The following STXBP5 variants were observed in gnomAD, a reference collection of about 807,000 sequenced individuals.
STXBP5 encodes syntaxin-binding protein 5.
In STXBP5, 50 loss-of-function variants were observed where a neutral mutation model predicts 152.4. The observed-to-expected ratio is 0.33, with a 90% confidence interval of 0.26 to 0.42. STXBP5 has a LOEUF of 0.42. Ranked by LOEUF, STXBP5 falls within the 10% of genes least tolerant of loss-of-function variation. STXBP5 has a pLI of 1.00. For synonymous variants in STXBP5, 492 were observed against 494.7 expected (o/e 0.99, Z 0.07); for missense variants, 1,167 against 1,388.6 (o/e 0.84, Z 2.54).
At chr6:147,244,217 G>T (rs1778689129) in intron 4 of STXBP5, among the ~76,000 whole-genome samples, 1 of 152,140 alleles carries the variant, frequency 6.6e-6, no homozygotes, top group African/African-American at 2.4e-5. Flanking sequence ...TAAGGGACTT[G>T]AGCATTATTG....
chr6:147,260,917 A>T (rs1420399661), intron 5 of STXBP5, among the ~76,000 whole-genome samples, 168 bp downstream of exon 5: 3 of 152,250 alleles, frequency 2.0e-5, no homozygotes, highest in Admixed American at 6.5e-5. Context: ...TGACATGGCA[A>T]TTTGTAAATT....
At chr6:147,235,785 T>G (rs1316320869) in intron 3 of STXBP5, among the ~76,000 whole-genome samples, 1 of 152,176 alleles carries the variant, frequency 6.6e-6, no homozygotes, top group Admixed American at 6.5e-5. Flanking sequence ...GTCACTTAAT[T>G]GCTTTAAGTA....
chr6:147,356,885 A>C (rs565224424), intron 22 of STXBP5, among the ~76,000 whole-genome samples: 2 of 152,146 alleles, frequency 1.3e-5, no homozygotes, highest in African/African-American at 2.4e-5. Flanking sequence ...TGATTTAGGG[A>C]GTTATTAGAT....
rs1783319364 is a variant in STXBP5 at position 147,327,382 on chromosome 6, A to C, written c.2080+106A>C. 6 of 1,342,094 alleles carry C rather than the reference A, an allele frequency of 4.5e-6. No homozygotes were observed. In the South Asian group the frequency reaches 9.0e-5, roughly 20 times the overall value. The allele number at this position is 1,342,094 out of a possible 1,614,324, so 83.1% of individuals were successfully genotyped here. The stretch of plus-strand genomic sequence containing the variant: ...GTTAGGTAAATAGCTTGCCTGATTT[A>C]GTCTGTATATATAAACTGCCAAAAA... On this transcript the variant is annotated intron_variant, in intron 18 of 27. Coordinates refer to ENST00000321680, the MANE Select transcript of STXBP5 (RefSeq NM_001127715.4).
At chr6:147,208,971 C>A (rs1346424110) in intron 2 of STXBP5, among the ~76,000 whole-genome samples, 2 of 151,978 alleles carry the variant, frequency 1.3e-5, no homozygotes. Context: ...GAATGCTAAA[C>A]CTTCTTGGCT....
chr6:147,353,551 G>A (rs929298079), intron 22 of STXBP5, among the ~76,000 whole-genome samples, 178 bp downstream of exon 22: 1 of 152,086 alleles, frequency 6.6e-6, no homozygotes, highest in Non-Finnish European at 1.5e-5. Context: ...AATTTAAAAT[G>A]ACAATTATAA....
At chr6:147,328,398 C>A (rs761005460) in intron 18 of STXBP5, among the ~76,000 whole-genome samples, 5 of 152,180 alleles carry the variant, frequency 3.3e-5, no homozygotes, top group Non-Finnish European at 7.3e-5. Flanking sequence ...GTCTGTACTT[C>A]CTAACTCAGT....
At chr6:147,227,075 G>T (rs1050822636) in intron 2 of STXBP5, among the ~76,000 whole-genome samples, 1 of 152,130 alleles carries the variant, frequency 6.6e-6, no homozygotes, top group Admixed American at 6.6e-5. Flanking sequence ...CTAAGTAAGT[G>T]GTTTAAAATT....
intron 2 of STXBP5, among the ~76,000 whole-genome samples, chr6:147,207,386 G>A (rs562948279): frequency 3.9e-5 from 6 of 152,232 alleles, no homozygotes; most frequent in Non-Finnish European, 7.4e-5. Context: ...CTTTATAAAC[G>A]ACAAAATCTG....
intron 8 of STXBP5, among the ~76,000 whole-genome samples, chr6:147,288,505 T>C (rs756528333): frequency 6.6e-6 from 1 of 152,170 alleles, no homozygotes; most frequent in Non-Finnish European, 1.5e-5. Flanking sequence ...GGGTAGATGA[T>C]TTTTCATCTT....
intron 8 of STXBP5, among the ~76,000 whole-genome samples, chr6:147,289,437 A>G (rs1781164603): frequency 6.6e-6 from 1 of 152,194 alleles, no homozygotes; most frequent in Non-Finnish European, 1.5e-5. Flanking sequence ...TTAGGATTTC[A>G]TATTTTCTTA....
At chr6:147,383,740 A>G (rs558409348) in intron 27 of STXBP5, among the ~76,000 whole-genome samples, 1 of 152,178 alleles carries the variant, frequency 6.6e-6, no homozygotes, top group Admixed American at 6.5e-5. Context: ...GGTTGTTTTT[A>G]TATTTGAGCA....
chr6:147,367,404 C>T (rs756494990), intron 25 of STXBP5, among the ~76,000 whole-genome samples: 13 of 151,952 alleles, frequency 8.6e-5, no homozygotes, highest in Non-Finnish European at 1.5e-4. Flanking sequence ...TTTGGGAGGC[C>T]GAGGCGGGTG....
Position 147,363,589 on chromosome 6 carries a change from G to C in STXBP5, c.2800G>C (p.Ala934Pro). The change falls in exon 24 of 28, where the codon GCT becomes CCT. Residue 934 changes from alanine to proline, a missense_variant. This residue lies in a region of STXBP5 where 833 missense variants were observed against 986.3 expected (regional missense o/e 0.84). Coordinates refer to ENST00000321680, the MANE Select transcript of STXBP5 (RefSeq NM_001127715.4). ...KVISLPTQNCAYKQNITETSF... is the reference protein window; with the variant it reads ...KVISLPTQNCPYKQNITETSF... ...AATCTCACTGCCAACCCAGAACTGT[G>C]CTTATAAGCAAAATATTACAGAGAC... The C allele has an allele frequency of 6.2e-7, 1 of 1,614,172 alleles. No homozygotes were observed.
At chr6:147,253,147 C>T (rs551350095) in intron 4 of STXBP5, among the ~76,000 whole-genome samples, 4 of 152,130 alleles carry the variant, frequency 2.6e-5, no homozygotes, top group South Asian at 2.1e-4. Context: ...GATGCAAGGC[C>T]GATTCAACAT....
At chr6:147,336,965 T>C (rs1219497383) in intron 19 of STXBP5, among the ~76,000 whole-genome samples, 1 of 152,120 alleles carries the variant, frequency 6.6e-6, no homozygotes, top group Non-Finnish European at 1.5e-5. Flanking sequence ...GAAAAATCCA[T>C]GTAATGCATA....
chr6:147,263,979 C>T (rs1779765854), intron 6 of STXBP5, among the ~76,000 whole-genome samples: 1 of 151,706 alleles, frequency 6.6e-6, no homozygotes, highest in Non-Finnish European at 1.5e-5. Flanking sequence ...TTTGCCATAG[C>T]ATCTAACTTA....
intron 4 of STXBP5, among the ~76,000 whole-genome samples, chr6:147,243,938 A>G (rs975833757): frequency 2.0e-5 from 3 of 152,078 alleles, no homozygotes; most frequent in East Asian, 1.9e-4. Flanking sequence ...CTGGTTGTCT[A>G]TTCTGTTTAA....
At chr6:147,277,286 G>A (rs962495009) in intron 7 of STXBP5, among the ~76,000 whole-genome samples, 2 of 152,034 alleles carry the variant, frequency 1.3e-5, no homozygotes, top group African/African-American at 4.8e-5. Context: ...TACGATTTTT[G>A]TGCTATACTC....
Sources: gnomAD v4.1 joint callset for allele counts (sites outside exome capture counted in the v4.1 genomes callset) on GRCh38, gnomAD v4.1.1 for gene constraint, gnomAD v4.1.1 regional missense constraint, MANE v1.5 for transcripts, NCBI Gene and HGNC (gene_info 2026-07-23, HGNC 2026-07-21) for gene names.